CD247: variants seen among roughly 807,000 people sequenced by gnomAD.
The protein encoded by CD247 is T-cell surface glycoprotein CD3 zeta chain.
CD247 carries 13 observed loss-of-function variants against 30.0 expected under a neutral mutation model. The ratio of observed to expected loss-of-function variants is 0.43; its 90% CI spans 0.28 to 0.69. The LOEUF is 0.69. Ranked by LOEUF, CD247 falls within the 30% of genes least tolerant of loss-of-function variation. The probability of loss-of-function intolerance (pLI) is 0.16; values close to 1 mark genes in which losing one functional copy is unlikely to be tolerated. For missense variants in CD247, 193 were observed against 212.6 expected (o/e 0.91, Z 0.57); for synonymous variants, 72 against 80.0 (o/e 0.90, Z 0.53).
chr1:167,506,245 CCT>C (rs1264595424), intron 1 of CD247, among the ~76,000 whole-genome samples: 7 of 26,138 alleles, frequency 2.7e-4, no homozygotes, highest in African/African-American at 5.4e-4. Context: ...CTTTTCTTTT[CCT>C]TTTCTTTTCT....
intron 1 of CD247, among the ~76,000 whole-genome samples, chr1:167,475,484 G>A (rs1343497981): frequency 6.6e-6 from 1 of 152,098 alleles, no homozygotes; most frequent in Non-Finnish European, 1.5e-5. Flanking sequence ...AAATATTCCA[G>A]CAAACAAATG....
intron 7 of CD247, 92 bp from the exon 8 acceptor site, chr1:167,431,838 C>T: frequency 9.0e-7 from 1 of 1,105,672 alleles, no homozygotes. Context: ...CTCTGCAGCA[C>T]AGCCCTGTGA....
intron 1 of CD247, among the ~76,000 whole-genome samples, chr1:167,455,026 C>A (rs1264123844): frequency 6.6e-6 from 1 of 152,238 alleles, no homozygotes; most frequent in East Asian, 1.9e-4. Flanking sequence ...GAGCCGGGGC[C>A]AGGCCTCCGC....
At chr1:167,471,726 C>T (rs1457872475) in intron 1 of CD247, among the ~76,000 whole-genome samples, 1 of 152,094 alleles carries the variant, frequency 6.6e-6, no homozygotes, top group African/African-American at 2.4e-5. Flanking sequence ...CCTCAGCCTC[C>T]AGGGTAGCTG....
intron 1 of CD247, among the ~76,000 whole-genome samples, chr1:167,505,083 G>T (rs1292318443): frequency 6.6e-6 from 1 of 152,066 alleles, no homozygotes; most frequent in Non-Finnish European, 1.5e-5. Flanking sequence ...CCTTCCAAGG[G>T]CTTCCTCTGG....
intron 1 of CD247, among the ~76,000 whole-genome samples, chr1:167,495,324 G>A (rs141066281): frequency 1.1e-4 from 17 of 152,268 alleles, no homozygotes; most frequent in East Asian, 1.9e-4. Flanking sequence ...AATAATGGAC[G>A]GGTGTGCTCA....
intron 1 of CD247, among the ~76,000 whole-genome samples, chr1:167,481,279 T>A (rs891221572): frequency 6.6e-6 from 1 of 152,014 alleles, no homozygotes; most frequent in Admixed American, 6.6e-5. Flanking sequence ...AGAGAGAGAC[T>A]CCCTCTCAAA....
intron 1 of CD247, among the ~76,000 whole-genome samples, chr1:167,498,086 T>C (rs932597552): frequency 2.0e-5 from 3 of 152,208 alleles, no homozygotes; most frequent in Non-Finnish European, 4.4e-5. Context: ...GGATGTGGCA[T>C]CTTCTGCCAG....
In CD247 at chr1:167,518,487, A is replaced by G; in HGVS notation, c.-22T>C. ...TCATCTTGTCCTTTCCCTCAGAAAG[A>G]GGCTGGGAGGCAGAGGCTGAGGCAG... is the stretch of plus-strand genomic sequence containing the variant. On this transcript the variant is annotated 5_prime_UTR_variant, in exon 1 of 8. Transcript: ENST00000362089. 6.2e-7 allele frequency: 1 copy of G among 1,612,266 alleles called. No homozygotes were observed. The highest frequency in any genetic ancestry group is 8.5e-7 in the Non-Finnish European group (1 of 1,178,714).
chr1:167,445,956 T>C (rs140027306), intron 1 of CD247, among the ~76,000 whole-genome samples: 4 of 152,206 alleles, frequency 2.6e-5, no homozygotes, highest in African/African-American at 7.2e-5. Context: ...TAGATTCTTA[T>C]GAGTGCCAGG....
chr1:167,436,862 T>C (rs533573303), intron 4 of CD247, among the ~76,000 whole-genome samples: 4 of 152,054 alleles, frequency 2.6e-5, no homozygotes, highest in South Asian at 2.1e-4. Flanking sequence ...AAGGAAACCC[T>C]TGAACACTCT....
chr1:167,488,127 C>A (rs1654292692), intron 1 of CD247, among the ~76,000 whole-genome samples: 1 of 152,026 alleles, frequency 6.6e-6, no homozygotes, highest in Non-Finnish European at 1.5e-5. Context: ...CAATTGTTAC[C>A]CCAAAAGGTT....
intron 1 of CD247, among the ~76,000 whole-genome samples, chr1:167,441,446 A>G (rs912690382): frequency 1.3e-5 from 2 of 152,016 alleles, no homozygotes. Flanking sequence ...CCTGTCCCCT[A>G]GTCCCAGCTC....
In CD247 at chr1:167,499,845, C is replaced by T. The variant is rs529561592; in HGVS notation, c.58+18563G>A. On this transcript the variant is annotated intron_variant, in intron 1 of 7. Transcript: ENST00000362089. ...CAAATCACTTGCCTTCTTGAAGTTT[C>T]AGTTCCTCTGTCAGTAACAGAGGCC... Among the ~76,000 whole-genome samples, 274 of 152,280 alleles carry T rather than the reference C, an allele frequency of 1.8e-3. 1 individual carries two copies. The highest frequency in any genetic ancestry group is 6.3e-3 in the African/African-American group (260 of 41,544).
chr1:167,448,525 T>C (rs1354123017), intron 1 of CD247: 1 of 985,304 alleles, frequency 1.0e-6, no homozygotes, highest in Non-Finnish European at 1.2e-6. Context: ...TGCTACCAAA[T>C]GTGAGGCCAG....
At chr1:167,489,031 T>G (rs574600009) in intron 1 of CD247, among the ~76,000 whole-genome samples, 1 of 152,246 alleles carries the variant, frequency 6.6e-6, no homozygotes, top group Admixed American at 6.5e-5. Flanking sequence ...AGAGGTAACT[T>G]GAAAGGCAGC....
chr1:167,499,902 T>C (rs191736426), intron 1 of CD247, among the ~76,000 whole-genome samples: 56 of 152,324 alleles, frequency 3.7e-4, no homozygotes, highest in African/African-American at 1.3e-3. Flanking sequence ...CTGTGGATTT[T>C]GCATACAGTA....
At position 167,438,602 on chromosome 1, in the gene CD247, G is replaced by A. The variant is rs148513413; in HGVS notation, c.268C>T (p.Arg90Cys). 3.0e-5 allele frequency: 49 copies of A among 1,614,044 alleles called. No individual in the cohort carries two copies. In the Middle Eastern group the frequency reaches 4.9e-4, roughly 16 times the overall value. ...REEYDVLDKR[R>C]GRDPEMGGKP... ...CCCCCCATCTCAGGGTCCCGGCCAC[G>A]TCTCTTGTCCAAAACATCGTACTCC... The change falls in exon 4 of 8, where the codon CGT becomes TGT. Residue 90 changes from arginine to cysteine, a missense_variant. By Grantham distance (180) the Arg-to-Cys change is radical (BLOSUM62 -3). Coordinates refer to ENST00000362089, the MANE Select transcript of CD247 (RefSeq NM_198053.3).
intron 1 of CD247, among the ~76,000 whole-genome samples, chr1:167,476,327 T>C (rs530659604): frequency 1.3e-5 from 2 of 152,292 alleles, no homozygotes; most frequent in African/African-American, 4.8e-5. Flanking sequence ...CCCCAAGCCC[T>C]ACCAAGCAAA....
Sources: allele counts gnomAD v4.1 joint callset (sites outside exome capture counted in the v4.1 genomes callset), GRCh38; gene constraint gnomAD v4.1.1; transcripts MANE v1.5; gene names NCBI Gene and HGNC (gene_info 2026-07-23, HGNC 2026-07-21).